HFM1: variants seen among roughly 807,000 people sequenced by gnomAD.
The protein encoded by HFM1 is probable ATP-dependent DNA helicase HFM1.
Under a neutral mutation model 192.1 loss-of-function variants are expected in HFM1, and 169 were observed. The observed-to-expected ratio is 0.88, with a 90% confidence interval of 0.78 to 1.00. The LOEUF is 1.00. Among genes scored for constraint, HFM1 ranks in the 50% least tolerant of loss-of-function variants. The pLI is 0.00. For synonymous variants in HFM1, 525 were observed against 537.8 expected, an observed-to-expected ratio of 0.98 and a Z score of 0.33; for missense variants, 1,661 against 1,668.0, an observed-to-expected ratio of 1.00 and a Z score of 0.07.
intron 13 of HFM1, among the ~76,000 whole-genome samples, chr1:91,359,553 C>CA (rs61520763): frequency 3.7e-5 from 5 of 136,166 alleles, no homozygotes; most frequent in African/African-American, 1.4e-4. Flanking sequence ...GACAAGAATA[C>CA]AAAAAAAAAA....
chr1:91,395,136 C>T (rs1266798653), intron 3 of HFM1, among the ~76,000 whole-genome samples: 1 of 152,028 alleles, frequency 6.6e-6, no homozygotes, highest in Non-Finnish European at 1.5e-5. Context: ...AGGTCACATA[C>T]ATTGTTTGAG....
chr1:91,305,564 T>C (rs1649472818), intron 30 of HFM1, among the ~76,000 whole-genome samples: 1 of 152,010 alleles, frequency 6.6e-6, no homozygotes, highest in African/African-American at 2.4e-5. Flanking sequence ...AATTTATTTA[T>C]TTCTTTTTTT....
At chr1:91,305,449 T>C (rs1176015978) in intron 30 of HFM1, among the ~76,000 whole-genome samples, 1 of 152,236 alleles carries the variant, frequency 6.6e-6, no homozygotes, top group Non-Finnish European at 1.5e-5. Context: ...GTTTTTTATA[T>C]TGACTGCATT....
chr1:91,389,896 T>C (rs1413337267), intron 4 of HFM1, among the ~76,000 whole-genome samples: 2 of 152,210 alleles, frequency 1.3e-5, no homozygotes, highest in Non-Finnish European at 2.9e-5. Context: ...GCAGCCACTT[T>C]GGAAAACAAT....
chr1:91,396,471 T>C (rs1663671434), intron 2 of HFM1, 66 bp from the exon 3 acceptor site: 1 of 788,752 alleles, frequency 1.3e-6, no homozygotes, highest in Non-Finnish European at 2.0e-6. Flanking sequence ...GCTATGTGTT[T>C]ATTAAACATT....
intron 30 of HFM1, among the ~76,000 whole-genome samples, chr1:91,303,198 C>G (rs75860040): frequency 6.6e-6 from 1 of 152,164 alleles, no homozygotes. Flanking sequence ...CCCTCAACCC[C>G]TGACAACCAC....
At chr1:91,366,870 G>A (rs1659394629) in intron 13 of HFM1, among the ~76,000 whole-genome samples, 1 of 152,240 alleles carries the variant, frequency 6.6e-6, no homozygotes, top group Non-Finnish European at 1.5e-5. Flanking sequence ...AAAGAAAGGG[G>A]TGACAGACAG....
intron 23 of HFM1, among the ~76,000 whole-genome samples, chr1:91,320,216 T>C (rs1651883911): frequency 6.6e-6 from 1 of 152,222 alleles, no homozygotes; most frequent in Non-Finnish European, 1.5e-5. Flanking sequence ...CAGTCAGCTA[T>C]ACAAAGAAAA....
intron 11 of HFM1, chr1:91,377,778 A>T: frequency 2.1e-6 from 1 of 465,238 alleles, no homozygotes; most frequent in South Asian, 2.9e-5. Context: ...AAACCCAGGA[A>T]ACTAAGACTG....
chr1:91,281,691 A>C (rs1667474586), intron 30 of HFM1, among the ~76,000 whole-genome samples: 1 of 152,210 alleles, frequency 6.6e-6, no homozygotes, highest in Admixed American at 6.5e-5. Flanking sequence ...CATAGAACAT[A>C]AGGTTGAAAA....
At chr1:91,349,849 C>T (rs1246683833) in intron 18 of HFM1, among the ~76,000 whole-genome samples, 1 of 152,128 alleles carries the variant, frequency 6.6e-6, no homozygotes, top group East Asian at 1.9e-4. Context: ...AAAACTAATA[C>T]AATATGCCAC....
chr1:91,389,366 T>C (rs1047344467), intron 4 of HFM1, among the ~76,000 whole-genome samples: 11 of 152,128 alleles, frequency 7.2e-5, no homozygotes, highest in African/African-American at 2.7e-4. Context: ...TTTACCATGT[T>C]GGTCAGACTG....
At chr1:91,329,446 A>C (rs952375310) in intron 20 of HFM1, 244 of 1,570,398 alleles carry the variant, frequency 1.6e-4, no homozygotes, top group Admixed American at 5.4e-5. Context: ...AAGTGCAAGG[A>C]GCCAGAATCA....
rs189827919 is a variant in HFM1, at chr1:91,336,764, G to A, written c.2335+6666C>T. On this transcript the variant is annotated intron_variant, in intron 20 of 38. Transcript: ENST00000370425. ...CCAAAGGAATACAAATCATTCTTTT[G>A]TAAAGATACATGCACACGTATGTTC... Among the ~76,000 whole-genome samples the A allele has an allele frequency of 2.5e-4, 38 of 152,244 alleles. No individual in the cohort carries two copies. In the East Asian group the frequency reaches 6.8e-3, roughly 27 times the overall value.
rs934148282 is a variant in HFM1 at position 91,395,939 on chromosome 1, C to T, written c.184+354G>A. 2.4e-4 allele frequency among the ~76,000 whole-genome samples: 36 copies of T among 151,650 alleles called. 1 individual carries two copies. The highest frequency in any genetic ancestry group is 8.7e-4 in the African/African-American group (36 of 41,230). On this transcript the variant is annotated intron_variant, in intron 3 of 38. Coordinates refer to ENST00000370425, the MANE Select transcript of HFM1 (RefSeq NM_001017975.6). Reference sequence around the variant, plus strand: ...TCTCAGCTAACTGCAACCTCTGCCTCCTGGGTTCAAGCCATTCTCCTGCCT... The same window carrying T: ...TCTCAGCTAACTGCAACCTCTGCCTTCTGGGTTCAAGCCATTCTCCTGCCT...
intron 20 of HFM1, among the ~76,000 whole-genome samples, chr1:91,337,789 A>C (rs1654795849): frequency 6.6e-6 from 1 of 152,196 alleles, no homozygotes; most frequent in Non-Finnish European, 1.5e-5. Flanking sequence ...TGTGCAAAGG[A>C]AGAGAACCCT....
At chr1:91,320,177 TAGA>T (rs923638056) in intron 23 of HFM1, among the ~76,000 whole-genome samples, 27 of 152,106 alleles carry the variant, frequency 1.8e-4, no homozygotes, top group Admixed American at 1.1e-3. Context: ...AACTCCTCAG[TAGA>T]AGGAGGTCTC....
In HFM1 at chr1:91,385,583, T is replaced by C. The variant is rs1449636597; in HGVS notation, c.746A>G (p.Asp249Gly). The change falls in exon 5 of 39, where the codon GAT (aspartate) becomes GGT (glycine). Residue 249 changes from aspartate to glycine, a missense_variant. By Grantham distance (94) the Asp-to-Gly change is moderately conservative. Transcript: ENST00000370425. ...PSFSVAFQPH[D>G]IQEVTENGLG... The stretch of plus-strand genomic sequence containing the variant: ...AAAAAGCAAGAAATTACCTTGAATA[T>C]CATGAGGTTGGAAAGCAACTGAAAA... 6.2e-7 allele frequency: 1 copy of C among 1,610,834 alleles called. No individual in the cohort carries two copies.
chr1:91,279,355 T>C (rs1667256398), intron 30 of HFM1, among the ~76,000 whole-genome samples: 1 of 152,186 alleles, frequency 6.6e-6, no homozygotes, highest in African/African-American at 2.4e-5. Flanking sequence ...TTGTTTCAGG[T>C]GTTTTGTCCC....
Sources: allele counts gnomAD v4.1 joint callset (sites outside exome capture counted in the v4.1 genomes callset), GRCh38; gene constraint gnomAD v4.1.1; transcripts MANE v1.5; gene names NCBI Gene and HGNC (gene_info 2026-07-23, HGNC 2026-07-21).